GABRG3: variants seen among roughly 807,000 people sequenced by gnomAD.
The protein encoded by GABRG3 is gamma-aminobutyric acid type A receptor subunit gamma3, also known as gamma-aminobutyric acid receptor subunit gamma-3.
In GABRG3, 25 loss-of-function variants were observed where a neutral mutation model predicts 48.8. The observed-to-expected ratio is 0.51, with a 90% CI of 0.37 to 0.72. GABRG3 has a LOEUF of 0.72. GABRG3 is among the 30% of genes least tolerant of loss of function. The pLI, the probability that GABRG3 is intolerant of heterozygous loss-of-function variation, is 0.00. For missense variants in GABRG3, 394 were observed against 577.9 expected, an observed-to-expected ratio of 0.68 and a Z score of 3.26; for synonymous variants, 227 against 217.6, an observed-to-expected ratio of 1.04 and a Z score of -0.38.
At chr15:27,160,063 C>T (rs1053131268) in intron 3 of GABRG3, among the ~76,000 whole-genome samples, 2 of 152,158 alleles carry the variant, frequency 1.3e-5, no homozygotes, top group African/African-American at 4.8e-5. Flanking sequence ...ACTGCAAGAC[C>T]CTCCTGCTCT....
chr15:27,307,891 AAT>A lies in GABRG3; in HGVS notation c.271-18910_271-18909del, dbSNP rs547765318. On this transcript the variant is annotated intron_variant, in intron 3 of 9. Transcript: ENST00000615808. Reference sequence around the variant, plus strand: ...TATAAATGTATATGTTTATATATAAAATATATATAAAATAAACATGTTTATAT... The same window carrying A: ...TATAAATGTATATGTTTATATATAAAATATATAAAATAAACATGTTTATAT... Among the ~76,000 whole-genome samples the A allele has an allele frequency of 3.4e-3, 454 of 133,776 alleles. 10 individuals are homozygous for A. In the East Asian group the frequency reaches 0.05, roughly 15 times the overall value. The allele number at this position is 133,776 out of a possible 152,430, so 87.8% of individuals were successfully genotyped here.
intron 2 of GABRG3, among the ~76,000 whole-genome samples, chr15:27,021,184 A>G (rs1895886998): frequency 1.3e-5 from 2 of 152,204 alleles, no homozygotes; most frequent in African/African-American, 4.8e-5. Context: ...GTTATGTATC[A>G]ATAAAAAAAA....
rs544368053 is a variant in GABRG3 at position 27,227,506 on chromosome 15, T to TAAA, written c.271-99299_271-99297dup. On this transcript the variant is annotated intron_variant, in intron 3 of 9. Transcript: ENST00000615808. The stretch of plus-strand genomic sequence containing the variant: ...AGAGTGAGATTCTGTCTCAAAAAAA[T>TAAA]AAAAAATGTAATAAAATATATATTT... Among the ~76,000 whole-genome samples, 275 of 151,982 alleles carry TAAA rather than the reference T, an allele frequency of 1.8e-3. 2 individuals are homozygous for TAAA. Among genetic ancestry groups the TAAA allele is most frequent in the Middle Eastern group, 6.8e-3 (2 of 292 alleles).
intron 8 of GABRG3, 39 bp downstream of exon 8, chr15:27,527,668 G>C: frequency 3.2e-6 from 5 of 1,548,310 alleles, no homozygotes; most frequent in Non-Finnish European, 4.4e-6. Context: ...GAGGTAATGG[G>C]GGCGCTGTTT....
intron 3 of GABRG3, among the ~76,000 whole-genome samples, chr15:27,078,271 C>G (rs1896940858): frequency 6.6e-6 from 1 of 152,174 alleles, no homozygotes; most frequent in Admixed American, 6.5e-5. Flanking sequence ...CACTGTCAGT[C>G]AGTCAGTCAG....
chr15:27,069,169 T>G (rs1191408504), intron 3 of GABRG3, among the ~76,000 whole-genome samples: 1 of 152,208 alleles, frequency 6.6e-6, no homozygotes, highest in Non-Finnish European at 1.5e-5. Context: ...GAGACATGGG[T>G]CTGCTCACAG....
rs1439917770 is a variant in GABRG3 at position 27,536,608 on chromosome 15, C to T, written c.*3727C>T. On this transcript the variant is annotated 3_prime_UTR_variant, in exon 10 of 10. Transcript: ENST00000615808. The stretch of plus-strand genomic sequence containing the variant: ...CGTGTTCTCAAGAGCAAAGCATTTT[C>T]ACTCTACATAAGGGAAATTGGGGCC... 6.6e-6 allele frequency: 1 copy of T among 152,192 alleles called. No individual in the cohort carries two copies. Among genetic ancestry groups the T allele is most frequent in the Non-Finnish European group, 1.5e-5 (1 of 68,036 alleles). 9.4% of individuals were successfully genotyped at this position (152,192 alleles called of 1,614,324 possible). A position where few individuals can be genotyped will look rare whatever the true frequency, so the allele number is the denominator to read the frequency against.
intron 5 of GABRG3, among the ~76,000 whole-genome samples, chr15:27,358,411 C>A (rs1894911199): frequency 6.6e-6 from 1 of 151,994 alleles, no homozygotes; most frequent in Admixed American, 6.5e-5. Context: ...TCTCTCCTTC[C>A]CAACTCTAAG....
chr15:27,216,238 A>T (rs560107254), intron 3 of GABRG3, among the ~76,000 whole-genome samples: 108 of 152,348 alleles, frequency 7.1e-4, no homozygotes, highest in African/African-American at 2.4e-3. Flanking sequence ...CAGGTTGAAA[A>T]TGCAAATCAG....
In GABRG3 at chr15:27,273,401, G is replaced by C. The variant is rs1891151201; in HGVS notation, c.271-53408G>C. On this transcript the variant is annotated intron_variant, in intron 3 of 9. Transcript: ENST00000615808. The stretch of plus-strand genomic sequence containing the variant: ...GCCATCAGGTCAGTGGAGTGACTCT[G>C]CTCTTGTAAATCAGAAATCCAGGTT... 4.6e-5 allele frequency among the ~76,000 whole-genome samples: 7 copies of C among 152,322 alleles called. No homozygotes were observed. The South Asian group carries it at 1.5e-3, about 32-fold the overall frequency.
intron 5 of GABRG3, among the ~76,000 whole-genome samples, chr15:27,477,192 A>G (rs917113556): frequency 3.9e-5 from 6 of 152,256 alleles, no homozygotes; most frequent in Middle Eastern, 3.2e-3. Context: ...GATGGCTTTC[A>G]GTAGGTGAAT....
At chr15:27,505,885 G>A (rs1890747862) in intron 6 of GABRG3, among the ~76,000 whole-genome samples, 1 of 152,166 alleles carries the variant, frequency 6.6e-6, no homozygotes, top group African/African-American at 2.4e-5. Flanking sequence ...GAAGCCTTCT[G>A]TGATTTGAAT....
intron 5 of GABRG3, among the ~76,000 whole-genome samples, chr15:27,432,397 A>C (rs1390596532): frequency 6.6e-6 from 1 of 152,166 alleles, no homozygotes; most frequent in Non-Finnish European, 1.5e-5. Context: ...CAAACAGAAT[A>C]CATTTACACT....
rs1431444443 is a variant in GABRG3 at position 27,502,974 on chromosome 15, T to C, written c.713-16998T>C. Reference sequence around the variant, plus strand: ...CTGGAAGTGCTCAGAACTCTGTCCTTTGGGGCCTCTTACAGAGACTTTATT... The same window carrying C: ...CTGGAAGTGCTCAGAACTCTGTCCTCTGGGGCCTCTTACAGAGACTTTATT... On this transcript the variant is annotated intron_variant, in intron 6 of 9. Transcript: ENST00000615808. Among the ~76,000 whole-genome samples the C allele has an allele frequency of 3.3e-5, 5 of 152,148 alleles. No homozygotes were observed. The South Asian group carries it at 8.3e-4, about 25-fold the overall frequency.
chr15:27,383,739 G>A (rs1895845284), intron 5 of GABRG3, among the ~76,000 whole-genome samples: 1 of 152,138 alleles, frequency 6.6e-6, no homozygotes, highest in African/African-American at 2.4e-5. Flanking sequence ...ATACAAATGT[G>A]CATGTCATTT....
chr15:27,255,602 T>G (rs1048876594), intron 3 of GABRG3, among the ~76,000 whole-genome samples: 1 of 152,202 alleles, frequency 6.6e-6, no homozygotes, highest in Non-Finnish European at 1.5e-5. Flanking sequence ...CCTTTTTTTT[T>G]GGAAATGTAT....
chr15:27,128,463 A>G (rs1374529983), intron 3 of GABRG3, among the ~76,000 whole-genome samples: 1 of 152,222 alleles, frequency 6.6e-6, no homozygotes, highest in Admixed American at 6.5e-5. Context: ...TGAGCGAGTC[A>G]TCTGCCCACG....
chr15:27,182,915 G>T (rs1887977978), intron 3 of GABRG3, among the ~76,000 whole-genome samples: 1 of 152,176 alleles, frequency 6.6e-6, no homozygotes. Flanking sequence ...TCCTTTGATA[G>T]CTGAGGATGT....
At chr15:27,119,728 T>C (rs956563) in intron 3 of GABRG3, among the ~76,000 whole-genome samples, 42,451 of 152,164 alleles carry the variant, frequency 0.28, 7,187 homozygotes, top group Non-Finnish European at 0.37. Context: ...GTCATTGGGT[T>C]CGTATGGAAA....
Sources: gnomAD v4.1 joint callset for allele counts (sites outside exome capture counted in the v4.1 genomes callset) on GRCh38, gnomAD v4.1.1 for gene constraint, MANE v1.5 for transcripts, NCBI Gene and HGNC (gene_info 2026-07-23, HGNC 2026-07-21) for gene names.